The following FAM171A1 variants were observed in gnomAD, a reference collection of about 807,000 sequenced individuals.
FAM171A1 encodes the protein family with sequence similarity 171 member A1.
A neutral mutation model predicts 74.9 loss-of-function variants in FAM171A1; 23 were observed. The ratio of observed to expected loss-of-function variants is 0.31; its 90% CI spans 0.22 to 0.44. The LOEUF is 0.44. Among genes scored for constraint, FAM171A1 ranks in the 20% least tolerant of loss-of-function variants. The pLI is 1.00. For missense variants in FAM171A1, 1,162 were observed against 1,159.2 expected, an observed-to-expected ratio of 1.00 and a Z score of -0.03; for synonymous variants, 527 against 505.7, an observed-to-expected ratio of 1.04 and a Z score of -0.57.
chr10:15,282,805 T>C (rs1354433596), intron 2 of FAM171A1, among the ~76,000 whole-genome samples: 2 of 152,168 alleles, frequency 1.3e-5, no homozygotes, highest in African/African-American at 4.8e-5. Flanking sequence ...TCGACTCTAA[T>C]GTTCCCTTGG....
chr10:15,322,782 A>G (rs1835501717), intron 1 of FAM171A1, among the ~76,000 whole-genome samples: 1 of 152,304 alleles, frequency 6.6e-6, no homozygotes, highest in East Asian at 1.9e-4. Flanking sequence ...ACTTATCTTC[A>G]TCAGGCATCA....
chr10:15,214,181 T>A lies in FAM171A1; in HGVS notation c.1407A>T (p.Arg469Ser). The A allele has an allele frequency of 6.2e-7, 1 of 1,614,182 alleles. No individual in the cohort carries two copies. The highest frequency in any genetic ancestry group is 8.5e-7 in the Non-Finnish European group (1 of 1,180,036). Residue 469 changes from arginine (R) to serine (S), a missense_variant, in exon 8 of 8, where the codon AGA becomes AGT. By Grantham distance (110) the Arg-to-Ser change is moderately radical. Coordinates refer to ENST00000378116, the MANE Select transcript of FAM171A1 (RefSeq NM_001010924.2). ...KSVEVFPLKA[R>S]KSMEREGYES... is the part of the protein sequence containing the mutation. ...CGTAGCCTTCTCTTTCCATAGATTT[T>A]CTTGCCTTTAAGGGAAAAACCTCCA...
chr10:15,342,216 C>T (rs1028998583), intron 1 of FAM171A1, among the ~76,000 whole-genome samples: 4 of 152,194 alleles, frequency 2.6e-5, no homozygotes, highest in African/African-American at 7.2e-5. Context: ...GGGTGGCACA[C>T]CTTCACTGGG....
At chr10:15,251,658 C>T (rs777802437) in intron 4 of FAM171A1, among the ~76,000 whole-genome samples, 2 of 151,962 alleles carry the variant, frequency 1.3e-5, no homozygotes, top group African/African-American at 4.8e-5. Flanking sequence ...GTGATCCACC[C>T]GCCTCGGCCT....
Position 15,212,038 on chromosome 10 carries a change from T to C in FAM171A1, c.*877A>G, listed in dbSNP as rs1833896325. 1 of 152,610 alleles carries C rather than the reference T, an allele frequency of 6.6e-6. No homozygotes were observed. The highest frequency in any genetic ancestry group is 1.5e-5 in the Non-Finnish European group (1 of 68,036). The allele number at this position is 152,610 out of a possible 1,614,324, so 9.5% of individuals were successfully genotyped here. A position where few individuals can be genotyped will look rare whatever the true frequency, so the allele number is the denominator to read the frequency against. The stretch of plus-strand genomic sequence containing the variant: ...GAGGATGCTGACCCCAAATGGCACT[T>C]GGCAGCATGCAGTTTAAAGCAAAAG... On this transcript the variant is annotated 3_prime_UTR_variant, in exon 8 of 8. Transcript: ENST00000378116.
chr10:15,321,484 CT>C (rs940882694), intron 1 of FAM171A1, among the ~76,000 whole-genome samples: 3 of 152,010 alleles, frequency 2.0e-5, no homozygotes, highest in African/African-American at 4.8e-5. Context: ...TTTTTAAAAG[CT>C]TTTTTTTACA....
At chr10:15,316,140 T>C (rs528478196) in intron 1 of FAM171A1, among the ~76,000 whole-genome samples, 2 of 152,332 alleles carry the variant, frequency 1.3e-5, no homozygotes, top group Admixed American at 1.3e-4. Context: ...GTCATATAAT[T>C]ATTCCTTATT....
intron 1 of FAM171A1, among the ~76,000 whole-genome samples, chr10:15,293,066 T>G (rs1426965765): frequency 2.0e-5 from 3 of 152,220 alleles, no homozygotes; most frequent in Non-Finnish European, 2.9e-5. Flanking sequence ...ACTCATATGT[T>G]TATTATTAAA....
chr10:15,245,756 C>T (rs879764333), intron 5 of FAM171A1, among the ~76,000 whole-genome samples: 5 of 152,184 alleles, frequency 3.3e-5, no homozygotes, highest in Non-Finnish European at 5.9e-5. Flanking sequence ...CGCTTCAGCG[C>T]CCCCTGGGAG....
intron 3 of FAM171A1, among the ~76,000 whole-genome samples, chr10:15,259,646 G>T (rs191959526): frequency 3.9e-5 from 6 of 152,078 alleles, no homozygotes; most frequent in South Asian, 2.1e-4. Flanking sequence ...GCTCAAAGAG[G>T]TAAGTGACTT....
chr10:15,306,163 G>A (rs144336482), intron 1 of FAM171A1, among the ~76,000 whole-genome samples: 1,950 of 152,316 alleles, frequency 0.013, 22 homozygotes, highest in Non-Finnish European at 0.019. Context: ...ATTCAGATGT[G>A]CATTTACCTG....
At chr10:15,276,361 G>T (rs1047079132) in intron 2 of FAM171A1, among the ~76,000 whole-genome samples, 3 of 151,812 alleles carry the variant, frequency 2.0e-5, no homozygotes, top group African/African-American at 7.3e-5. Context: ...TTGCATTTTT[G>T]GTAGATACAG....
chr10:15,369,596 A>G (rs956032689), intron 1 of FAM171A1, among the ~76,000 whole-genome samples: 14 of 152,244 alleles, frequency 9.2e-5, no homozygotes, highest in Non-Finnish European at 2.9e-5. Flanking sequence ...CATTTAAGAT[A>G]TACCAGGAAA....
intron 6 of FAM171A1, among the ~76,000 whole-genome samples, 184 bp from the exon 7 acceptor site, chr10:15,216,294 G>T (rs1391828163): frequency 1.3e-5 from 2 of 152,212 alleles, no homozygotes; most frequent in Non-Finnish European, 2.9e-5. Context: ...TGATTAGCAT[G>T]ACTATTATGG....
At chr10:15,262,687 G>A (rs1437321411) in intron 3 of FAM171A1, among the ~76,000 whole-genome samples, 2 of 152,192 alleles carry the variant, frequency 1.3e-5, no homozygotes, top group Non-Finnish European at 2.9e-5. Flanking sequence ...GGAGAAATAG[G>A]GCTTAAGAAG....
intron 1 of FAM171A1, among the ~76,000 whole-genome samples, chr10:15,346,273 A>G (rs1835816557): frequency 6.6e-6 from 1 of 151,976 alleles, no homozygotes; most frequent in Non-Finnish European, 1.5e-5. Context: ...TTTATTTTTA[A>G]TTTTTGTAGA....
intron 3 of FAM171A1, among the ~76,000 whole-genome samples, chr10:15,271,230 T>C (rs1834820779): frequency 6.6e-6 from 1 of 152,038 alleles, no homozygotes; most frequent in African/African-American, 2.4e-5. Flanking sequence ...AAGAACTACG[T>C]GACACATGCA....
At position 15,224,333 on chromosome 10, in the gene FAM171A1, C is replaced by T. The variant is rs139846387; in HGVS notation, c.755-3273G>A. ...GCACAGAGGCCCCGGGTGAACAGGA[C>T]GGAGCAGCTGTGCCCGGGCTGGAAA... On this transcript the variant is annotated intron_variant, in intron 5 of 7. Transcript: ENST00000378116. Among the ~76,000 whole-genome samples the T allele has an allele frequency of 2.8e-3, 432 of 152,218 alleles. 2 individuals are homozygous for T. Among genetic ancestry groups the T allele is most frequent in the Non-Finnish European group, 4.4e-3 (297 of 68,006 alleles).
intron 5 of FAM171A1, among the ~76,000 whole-genome samples, chr10:15,248,315 CATATGACCTTCTGATGA>C (rs1834460731): frequency 6.6e-6 from 1 of 151,674 alleles, no homozygotes; most frequent in African/African-American, 2.4e-5. Flanking sequence ...CAAGAGCAAC[CATATGACCTTCTGATGA>C]ATAAAAGGAT....
Sources: allele counts gnomAD v4.1 joint callset (sites outside exome capture counted in the v4.1 genomes callset), GRCh38; gene constraint gnomAD v4.1.1; transcripts MANE v1.5; gene names NCBI Gene and HGNC (gene_info 2026-07-23, HGNC 2026-07-21).